Variants in PCLO observed in about 807,000 individuals in gnomAD.
The protein encoded by PCLO is protein piccolo.
A neutral mutation model predicts 427.5 loss-of-function variants in PCLO; 82 were observed. The observed-to-expected ratio is 0.19, with a 90% CI of 0.16 to 0.23. The LOEUF (loss-of-function observed/expected upper bound fraction) is 0.23. Among genes scored for constraint, PCLO ranks in the 10% least tolerant of loss-of-function variants. PCLO has a pLI of 1.00. For missense variants in PCLO, 6,239 were observed against 6,115.9 expected, an observed-to-expected ratio of 1.02 and a Z score of -0.67; for synonymous variants, 2,357 against 2,155.4, an observed-to-expected ratio of 1.09 and a Z score of -2.59.
chr7:83,064,428 T>C (rs1011194388), intron 3 of PCLO, among the ~76,000 whole-genome samples: 2 of 151,940 alleles, frequency 1.3e-5, no homozygotes, highest in Non-Finnish European at 2.9e-5. Flanking sequence ...TGGCAGGCTA[T>C]GGATTTCGGA....
At chr7:82,855,843 G>C (rs562959868) in intron 10 of PCLO, among the ~76,000 whole-genome samples, 1 of 151,952 alleles carries the variant, frequency 6.6e-6, no homozygotes, top group African/African-American at 2.4e-5. Context: ...TGCTAGGGAG[G>C]AAATGGTGGT....
chr7:82,786,406 T>C (rs938577279), intron 22 of PCLO, among the ~76,000 whole-genome samples: 1 of 152,226 alleles, frequency 6.6e-6, no homozygotes, highest in African/African-American at 2.4e-5. Flanking sequence ...TTTTAAATCT[T>C]AAAAGTTTGT....
In PCLO at chr7:82,950,880, C is replaced by T. The variant is rs777347173; in HGVS notation, c.9708G>A (p.Glu3236=). The T allele has an allele frequency of 1.9e-6, 3 of 1,613,432 alleles. No individual in the cohort carries two copies. The highest frequency in any genetic ancestry group is 2.7e-5 in the African/African-American group (2 of 74,934). The change falls in exon 6 of 25, where the codon GAG becomes GAA. Residue 3236 remains glutamate, a synonymous_variant. Transcript: ENST00000333891. ...ACCTTTGAATTTCCTGACGTTCCCACTCCAATTCCTCAGCAAAGCGCTGTT... is the reference window on the plus strand; with the variant it reads ...ACCTTTGAATTTCCTGACGTTCCCATTCCAATTCCTCAGCAAAGCGCTGTT... ...IKQQRFAEEL[E]WERQEIQRFR...
chr7:82,810,476 G>A (rs561126960), intron 20 of PCLO, among the ~76,000 whole-genome samples: 1 of 151,600 alleles, frequency 6.6e-6, no homozygotes, highest in Non-Finnish European at 1.5e-5. Context: ...AAAGGAAAGA[G>A]TGGATGCTAT....
intron 9 of PCLO, among the ~76,000 whole-genome samples, chr7:82,881,399 G>A (rs1238553551): frequency 6.6e-6 from 1 of 152,114 alleles, no homozygotes; most frequent in Admixed American, 6.6e-5. Context: ...GATCAGTGAT[G>A]AGAAACTGTA....
At chr7:83,071,609 G>C (rs1789817565) in intron 3 of PCLO, among the ~76,000 whole-genome samples, 1 of 152,086 alleles carries the variant, frequency 6.6e-6, no homozygotes. Context: ...AGGCAGATGG[G>C]AGCACAGTGC....
chr7:83,105,721 T>C (rs1347953122), intron 3 of PCLO, among the ~76,000 whole-genome samples: 1 of 152,188 alleles, frequency 6.6e-6, no homozygotes, highest in Non-Finnish European at 1.5e-5. Flanking sequence ...AACTGTTAGA[T>C]ATTTAATTTT....
Position 83,155,852 on chromosome 7 carries a change from C to T in PCLO, c.789G>A (p.Gln263=), listed in dbSNP as rs1792281252. The change falls in exon 2 of 25, where the codon CAG becomes CAA. Residue 263 remains glutamine, a synonymous_variant. Coordinates refer to ENST00000333891, the MANE Select transcript of PCLO (RefSeq NM_033026.6). ...GTGKPIQGPT[Q]TPQTDHAKLP... is the part of the protein sequence containing the mutation. Reference sequence around the variant, plus strand: ...ATTTTGCATGGTCTGTCTGAGGAGTCTGGGTAGGACCCTGAATTGGCTTTC... The same window carrying T: ...ATTTTGCATGGTCTGTCTGAGGAGTTTGGGTAGGACCCTGAATTGGCTTTC... 2.5e-6 allele frequency: 4 copies of T among 1,613,942 alleles called. No individual in the cohort carries two copies. The highest frequency in any genetic ancestry group is 3.4e-6 in the Non-Finnish European group (4 of 1,179,882).
At chr7:83,125,254 C>T (rs1261861315) in intron 3 of PCLO, among the ~76,000 whole-genome samples, 2 of 152,080 alleles carry the variant, frequency 1.3e-5, no homozygotes, top group East Asian at 3.9e-4. Flanking sequence ...CCGGCCGCCA[C>T]CCCATCTGAG....
Position 83,155,210 on chromosome 7 carries a change from T to C in PCLO, c.1431A>G (p.Ala477=), listed in dbSNP as rs1317819758. The change falls in exon 2 of 25, where the codon GCA becomes GCG. Residue 477 remains alanine, a synonymous_variant. Transcript: ENST00000333891. ...GGCCAGGCTGTTGAGGTGGGGGCTT[T>C]GCTGGGCCAGGCAGTTGTGAAGGAG... ...TKPPSQLPGP[A]KPPPQQPGPA... is the part of the protein sequence containing the mutation. 6.2e-7 allele frequency: 1 copy of C among 1,613,432 alleles called. No homozygotes were observed. The highest frequency in any genetic ancestry group is 8.5e-7 in the Non-Finnish European group (1 of 1,179,754).
In PCLO at chr7:83,156,177, C is replaced by T; in HGVS notation, c.464G>A (p.Gly155Asp). 1 of 1,613,376 alleles carries T rather than the reference C, an allele frequency of 6.2e-7. No individual in the cohort carries two copies. Residue 155 changes from glycine (G) to aspartate (D), a missense_variant, in exon 2 of 25, where the codon GGC (glycine) becomes GAC (aspartate). Gly to Asp is a moderately conservative substitution (Grantham distance 94). This residue lies in a region of PCLO where 4,677 missense variants were observed against 4,468.4 expected (regional missense o/e 1.05). Coordinates refer to ENST00000333891, the MANE Select transcript of PCLO (RefSeq NM_033026.6). ...KEEHKSSMMP[G>D]FLSEVNALSA... is the part of the protein sequence containing the mutation. ...TAAAGCGTTAACCTCTGAGAGGAAG[C>T]CAGGCATCATACTAGACTTGTGCTC...
intron 2 of PCLO, among the ~76,000 whole-genome samples, chr7:83,147,798 TA>T (rs1476402819): frequency 6.6e-6 from 1 of 152,192 alleles, no homozygotes; most frequent in Admixed American, 6.5e-5. Context: ...ATGTATGGCA[TA>T]AAAAGTAAAA....
At chr7:83,088,821 C>T (rs1023466776) in intron 3 of PCLO, among the ~76,000 whole-genome samples, 6 of 152,094 alleles carry the variant, frequency 3.9e-5, no homozygotes, top group African/African-American at 9.7e-5. Flanking sequence ...TGTTGCCTCC[C>T]TCCTGAGGCC....
Position 82,757,391 on chromosome 7 carries a change from C to T in PCLO, c.*1184G>A, listed in dbSNP as rs1365693970. The T allele has an allele frequency of 6.6e-6, 1 of 151,914 alleles. No homozygotes were observed. The highest frequency in any genetic ancestry group is 2.4e-5 in the African/African-American group (1 of 41,400). The allele number at this position is 151,914 out of a possible 1,614,324, so 9.4% of individuals were successfully genotyped here. A position where few individuals can be genotyped will look rare whatever the true frequency, so the allele number is the denominator to read the frequency against. On this transcript the variant is annotated 3_prime_UTR_variant, in exon 25 of 25. Coordinates refer to ENST00000333891, the MANE Select transcript of PCLO (RefSeq NM_033026.6). ...CACATATTTTCCCAACATTGATGAACTTGATCACTGTGATACTGTCACTAA... is the reference window on the plus strand; with the variant it reads ...CACATATTTTCCCAACATTGATGAATTTGATCACTGTGATACTGTCACTAA...
At chr7:82,798,944 A>C (rs758936171) in intron 22 of PCLO, among the ~76,000 whole-genome samples, 2 of 152,110 alleles carry the variant, frequency 1.3e-5, no homozygotes, top group Non-Finnish European at 2.9e-5. Flanking sequence ...TCAGTTCGCT[A>C]AAGGGGAAAC....
intron 3 of PCLO, among the ~76,000 whole-genome samples, chr7:83,124,570 TAA>T (rs1447898526): frequency 6.6e-6 from 1 of 152,130 alleles, no homozygotes; most frequent in Non-Finnish European, 1.5e-5. Flanking sequence ...ATGGGAATGT[TAA>T]GTTAGTACAG....
chr7:83,123,793 TAAGA>T (rs960588802), intron 3 of PCLO, among the ~76,000 whole-genome samples: 5 of 151,846 alleles, frequency 3.3e-5, no homozygotes, highest in African/African-American at 9.7e-5. Flanking sequence ...TAAAATCTGT[TAAGA>T]AATAGGCAAA....
chr7:82,914,604 C>T, intron 7 of PCLO, 82 bp downstream of exon 7: 3 of 1,360,090 alleles, frequency 2.2e-6, no homozygotes, highest in East Asian at 4.8e-5. Flanking sequence ...TAGGATACAT[C>T]TCTGGAGAAG....
chr7:83,154,902 G>A lies in PCLO; in HGVS notation c.1739C>T (p.Pro580Leu). 6.2e-7 allele frequency: 1 copy of A among 1,614,064 alleles called. No individual in the cohort carries two copies. The highest frequency in any genetic ancestry group is 8.5e-7 in the Non-Finnish European group (1 of 1,179,902). The change falls in exon 2 of 25, where the codon CCT (proline) becomes CTT (leucine). Residue 580 changes from proline to leucine, a missense_variant. Physicochemically the swap from Pro to Leu is moderately conservative, Grantham distance 98. Coordinates refer to ENST00000333891, the MANE Select transcript of PCLO (RefSeq NM_033026.6). ...GATGGTTTTAGGGAGGCCTTGTGAA[G>A]GAGGCTGTTTTGCAGATGGAGACAC... ...PTVSPSAKQP[P>L]SQGLPKTICP... is the part of the protein sequence containing the mutation.
Sources: gnomAD v4.1 joint callset for allele counts (sites outside exome capture counted in the v4.1 genomes callset) on GRCh38, gnomAD v4.1.1 for gene constraint, gnomAD v4.1.1 regional missense constraint, MANE v1.5 for transcripts, NCBI Gene and HGNC (gene_info 2026-07-23, HGNC 2026-07-21) for gene names.